BTBD9: variants seen among roughly 807,000 people sequenced by gnomAD.
The protein encoded by BTBD9 is BTB/POZ domain-containing protein 9.
Under a neutral mutation model 64.3 loss-of-function variants are expected in BTBD9, and 49 were observed. That is an observed-to-expected ratio of 0.76 (90% CI 0.61 to 0.97). BTBD9 has a LOEUF of 0.97. Ranked by LOEUF, BTBD9 falls within the 50% of genes least tolerant of loss-of-function variation. The probability of loss-of-function intolerance (pLI) is 0.00; values close to 1 mark genes in which losing one functional copy is unlikely to be tolerated. For missense variants in BTBD9, 598 were observed against 762.1 expected (o/e 0.78, Z 2.53); for synonymous variants, 260 against 274.7 (o/e 0.95, Z 0.53).
chr6:38,197,393 T>G (rs1762302610), intron 9 of BTBD9, among the ~76,000 whole-genome samples: 1 of 152,200 alleles, frequency 6.6e-6, no homozygotes, highest in African/African-American at 2.4e-5. Flanking sequence ...TTTCAAATAA[T>G]TTAGAGGCCA....
chr6:38,624,152 G>A (rs568858696), intron 1 of BTBD9, among the ~76,000 whole-genome samples: 7 of 152,326 alleles, frequency 4.6e-5, no homozygotes, highest in South Asian at 2.1e-4. Context: ...ACCAATCTGC[G>A]CTCTGTAAAA....
intron 9 of BTBD9, among the ~76,000 whole-genome samples, chr6:38,203,785 G>A (rs1039822319): frequency 3.3e-5 from 5 of 150,526 alleles, no homozygotes; most frequent in Non-Finnish European, 7.4e-5. Flanking sequence ...AGAAAGGGGG[G>A]TGAATAGGTA....
intron 6 of BTBD9, among the ~76,000 whole-genome samples, chr6:38,363,931 G>A (rs1021987609): frequency 6.6e-6 from 1 of 152,140 alleles, no homozygotes; most frequent in Non-Finnish European, 1.5e-5. Flanking sequence ...TTTAAACCTT[G>A]TGGGCTCCAC....
chr6:38,299,060 T>C (rs562889228), intron 7 of BTBD9, among the ~76,000 whole-genome samples: 1 of 152,208 alleles, frequency 6.6e-6, no homozygotes, highest in South Asian at 2.1e-4. Context: ...CCTGTGTCCA[T>C]GTGTTCTCAT....
chr6:38,351,988 A>C (rs1177294968), intron 6 of BTBD9, among the ~76,000 whole-genome samples: 1 of 152,184 alleles, frequency 6.6e-6, no homozygotes, highest in Non-Finnish European at 1.5e-5. Context: ...AAGATCTAAA[A>C]TGTATTTAAT....
At chr6:38,467,883 A>G (rs935946893) in intron 6 of BTBD9, among the ~76,000 whole-genome samples, 9 of 152,084 alleles carry the variant, frequency 5.9e-5, no homozygotes, top group African/African-American at 1.4e-4. Context: ...ACTTTCTTTC[A>G]TCTTTCCAAG....
intron 6 of BTBD9, among the ~76,000 whole-genome samples, chr6:38,357,128 G>A (rs138476821): frequency 5.3e-5 from 8 of 152,246 alleles, no homozygotes; most frequent in African/African-American, 1.4e-4. Context: ...AGGGAGAAAC[G>A]GTCAGAGTTC....
At chr6:38,302,232 C>T (rs563956685) in intron 7 of BTBD9, among the ~76,000 whole-genome samples, 1 of 152,096 alleles carries the variant, frequency 6.6e-6, no homozygotes, top group South Asian at 2.1e-4. Flanking sequence ...TATTCCTCCT[C>T]TCTAACTGTA....
chr6:38,254,356 T>C (rs1198866667), intron 9 of BTBD9, among the ~76,000 whole-genome samples: 1 of 152,010 alleles, frequency 6.6e-6, no homozygotes, highest in Non-Finnish European at 1.5e-5. Flanking sequence ...ATAATAATGG[T>C]GATGGTGTCA....
At chr6:38,217,318 CAAAAAA>C (rs3047754) in intron 9 of BTBD9, among the ~76,000 whole-genome samples, 4 of 69,254 alleles carry the variant, frequency 5.8e-5, no homozygotes, top group African/African-American at 1.2e-4. Context: ...GACTCCATCT[CAAAAAA>C]AAAAAAAAAA....
intron 10 of BTBD9, among the ~76,000 whole-genome samples, chr6:38,176,937 G>T (rs1761284483): frequency 6.6e-6 from 1 of 152,120 alleles, no homozygotes; most frequent in Non-Finnish European, 1.5e-5. Flanking sequence ...TGCAGTCCCG[G>T]TCCTCAACAC....
chr6:38,461,408 T>A (rs1212459772), intron 6 of BTBD9, among the ~76,000 whole-genome samples: 1 of 152,234 alleles, frequency 6.6e-6, no homozygotes, highest in Non-Finnish European at 1.5e-5. Context: ...TTTATATAAA[T>A]GAATCATACA....
At chr6:38,430,993 T>C (rs1341920227) in intron 6 of BTBD9, among the ~76,000 whole-genome samples, 1 of 152,000 alleles carries the variant, frequency 6.6e-6, no homozygotes, top group Non-Finnish European at 1.5e-5. Context: ...CCCTTCAGGT[T>C]TCCCTTCTGT....
chr6:38,569,202 G>C (rs890001991), intron 6 of BTBD9, among the ~76,000 whole-genome samples: 1 of 152,200 alleles, frequency 6.6e-6, no homozygotes, highest in South Asian at 2.1e-4. Context: ...ATTTTGCCTG[G>C]AAGGGCAAAA....
In BTBD9 at chr6:38,275,276, G is replaced by A. The variant is rs1310193596; in HGVS notation, c.1454+12996C>T. On this transcript the variant is annotated intron_variant, in intron 8 of 10. Coordinates refer to ENST00000481247, the MANE Select transcript of BTBD9 (RefSeq NM_001099272.2). ...GATTCCCTATTTAATAAATGGTGCTGGGAAAACTGGCTAGCCATATGTAGA... is the reference window on the plus strand; with the variant it reads ...GATTCCCTATTTAATAAATGGTGCTAGGAAAACTGGCTAGCCATATGTAGA... Among the ~76,000 whole-genome samples the A allele has an allele frequency of 1.9e-3, 287 of 151,776 alleles. 1 individual carries two copies. Among genetic ancestry groups the A allele is most frequent in the Non-Finnish European group, 3.2e-3 (215 of 67,754 alleles).
intron 7 of BTBD9, among the ~76,000 whole-genome samples, chr6:38,337,728 C>T (rs887807193): frequency 2.6e-5 from 4 of 152,202 alleles, no homozygotes; most frequent in African/African-American, 7.2e-5. Flanking sequence ...CTTTACAGTG[C>T]CTGTCTTCCG....
At chr6:38,324,925 T>C (rs1451712913) in intron 7 of BTBD9, among the ~76,000 whole-genome samples, 2 of 152,096 alleles carry the variant, frequency 1.3e-5, no homozygotes, top group African/African-American at 4.8e-5. Context: ...GGGGAATCAA[T>C]GAATGAAACA....
At chr6:38,181,797 G>A (rs777789645) in intron 10 of BTBD9, among the ~76,000 whole-genome samples, 23 of 152,082 alleles carry the variant, frequency 1.5e-4, no homozygotes, top group Non-Finnish European at 1.8e-4. Context: ...AGACCAGCCC[G>A]GCCGACGTGT....
intron 6 of BTBD9, among the ~76,000 whole-genome samples, chr6:38,348,467 C>G (rs531249007): frequency 3.0e-4 from 46 of 152,308 alleles, no homozygotes; most frequent in African/African-American, 1.1e-3. Context: ...ATCCTTTGTT[C>G]TTGCTGAGGT....
Sources: gnomAD v4.1 joint callset for allele counts (sites outside exome capture counted in the v4.1 genomes callset) on GRCh38, gnomAD v4.1.1 for gene constraint, MANE v1.5 for transcripts, NCBI Gene and HGNC (gene_info 2026-07-23, HGNC 2026-07-21) for gene names.